THOC5: variants seen among roughly 807,000 people sequenced by gnomAD.
THOC5 encodes Fms-interacting protein.
A neutral mutation model predicts 92.9 loss-of-function variants in THOC5; 43 were observed. That is an observed-to-expected ratio of 0.46 (90% CI 0.36 to 0.60). The LOEUF is 0.60. THOC5 is among the 20% of genes least tolerant of loss of function. The pLI, the probability that THOC5 is intolerant of heterozygous loss-of-function variation, is 0.00. For synonymous variants in THOC5, 296 were observed against 320.1 expected (o/e 0.92, Z 0.80); for missense variants, 659 against 849.4 (o/e 0.78, Z 2.79).
intron 2 of THOC5, among the ~76,000 whole-genome samples, chr22:29,546,843 CTTTT>C (rs112906478): frequency 7.2e-6 from 1 of 138,222 alleles, no homozygotes; most frequent in South Asian, 2.3e-4. Context: ...CAAGTCACTT[CTTTT>C]TTTTTTTTTT....
chr22:29,534,294 G>T (rs781017947), intron 7 of THOC5, among the ~76,000 whole-genome samples: 1 of 152,170 alleles, frequency 6.6e-6, no homozygotes. Context: ...GGGACTGCGA[G>T]GGGGAATAAA....
intron 19 of THOC5, among the ~76,000 whole-genome samples, 175 bp from the exon 20 acceptor site, chr22:29,508,695 G>A (rs2063166180): frequency 6.6e-6 from 1 of 152,210 alleles, no homozygotes; most frequent in Admixed American, 6.5e-5. Context: ...TTGTAAAAAT[G>A]TCTTTTTGTG....
rs1327185009 is a variant in THOC5 at position 29,529,146 on chromosome 22, C to T, written c.925+16G>A. On this transcript the variant is annotated intron_variant, in intron 9 of 19. Transcript: ENST00000490103. ...ACCTGGTGTCCCTGGGGGACGAATCCCAACCACCACATTACCTTGGGAGTC... is the reference window on the plus strand; with the variant it reads ...ACCTGGTGTCCCTGGGGGACGAATCTCAACCACCACATTACCTTGGGAGTC... The T allele has an allele frequency of 6.2e-7, 1 of 1,614,108 alleles. No homozygotes were observed. The highest frequency in any genetic ancestry group is 8.5e-7 in the Non-Finnish European group (1 of 1,179,946).
At chr22:29,520,938 T>C in intron 13 of THOC5, 60 bp downstream of exon 13, 2 of 1,361,576 alleles carry the variant, frequency 1.5e-6, no homozygotes, top group Non-Finnish European at 2.1e-6. Flanking sequence ...AGCATTTAGC[T>C]TGAGCCACCA....
rs2063410439 is a variant in THOC5 at position 29,520,084 on chromosome 22, T to C, written c.1298A>G (p.Tyr433Cys). Residue 433 changes from tyrosine (Y) to cysteine (C), a missense_variant, in exon 14 of 20, where the codon TAT (tyrosine) becomes TGT (cysteine). Coordinates refer to ENST00000490103, the MANE Select transcript of THOC5 (RefSeq NM_003678.5). ...ATAGGGGTGACCTAGCTCAAGTACA[T>C]AGTCGCTCAAAGTCAGGATGCTGCA... ...DKVGILTLSD[Y>C]VLELGHPYLW... 6.2e-7 allele frequency: 1 copy of C among 1,613,790 alleles called. No homozygotes were observed. Among genetic ancestry groups the C allele is most frequent in the Non-Finnish European group, 8.5e-7 (1 of 1,179,840 alleles).
chr22:29,539,431 A>G lies in THOC5; in HGVS notation c.498T>C (p.Tyr166=), dbSNP rs1274244718. The G allele has an allele frequency of 3.7e-6, 6 of 1,614,132 alleles. No individual in the cohort carries two copies. The highest frequency in any genetic ancestry group is 5.1e-6 in the Non-Finnish European group (6 of 1,180,030). ...EIDLVSLEEF[Y]KEAPPDISKA... is the part of the protein sequence containing the mutation. ...TGCTGATATCTGGTGGAGCCTCCTT[A>G]TAAAACTCCTCTAAACTGACCAGAT... The change falls in exon 6 of 20, where the codon TAT becomes TAC. Residue 166 remains tyrosine, a synonymous_variant. Coordinates refer to ENST00000490103, the MANE Select transcript of THOC5 (RefSeq NM_003678.5).
rs567005048 is a variant in THOC5 at position 29,534,291 on chromosome 22, C to T, written c.715-2328G>A. Among the ~76,000 whole-genome samples the T allele has an allele frequency of 6.6e-5, 10 of 152,090 alleles. No individual in the cohort carries two copies. The South Asian group carries it at 1.5e-3, about 22-fold the overall frequency. Reference sequence around the variant, plus strand: ...GGGGTGTGAGGGAAGATAGGGACTGCGAGGGGGAATAAAGGAGCTTCCAGG... The same window carrying T: ...GGGGTGTGAGGGAAGATAGGGACTGTGAGGGGGAATAAAGGAGCTTCCAGG... On this transcript the variant is annotated intron_variant, in intron 7 of 19. Transcript: ENST00000490103.
intron 2 of THOC5, among the ~76,000 whole-genome samples, chr22:29,548,549 T>C (rs1187063341): frequency 6.6e-6 from 1 of 152,098 alleles, no homozygotes; most frequent in Non-Finnish European, 1.5e-5. Flanking sequence ...AGTGAGACCC[T>C]GTCTCAAAAA....
chr22:29,518,032 T>C (rs935381690), intron 15 of THOC5, among the ~76,000 whole-genome samples: 2 of 152,168 alleles, frequency 1.3e-5, no homozygotes, highest in African/African-American at 4.8e-5. Context: ...GACTCTTTTT[T>C]ATTTTTTACT....
intron 1 of THOC5, among the ~76,000 whole-genome samples, chr22:29,549,920 C>T (rs1313193534): frequency 6.6e-6 from 1 of 152,084 alleles, no homozygotes; most frequent in Non-Finnish European, 1.5e-5. Flanking sequence ...CCTGTCAGGT[C>T]TCCCCAAAGC....
rs755649674 is a variant in THOC5 at position 29,525,866 on chromosome 22, T to C, written c.1147A>G (p.Met383Val). The C allele has an allele frequency of 1.2e-6, 2 of 1,614,048 alleles. No individual in the cohort carries two copies. The highest frequency in any genetic ancestry group is 4.5e-5 in the East Asian group (2 of 44,870). Reference protein sequence around the residue: ...MTVKAKVTTAMELITPISAGD... With the variant: ...MTVKAKVTTAVELITPISAGD... ...GCACTGATGGGGGTGATCAGCTCCA[T>C]GGCAGTTGTCACTTTGGCTTTTACT... The change falls in exon 12 of 20, where the codon ATG (methionine) becomes GTG (valine). Residue 383 changes from methionine (M) to valine (V), a missense_variant. By Grantham distance (21) the Met-to-Val change is conservative. Coordinates refer to ENST00000490103, the MANE Select transcript of THOC5 (RefSeq NM_003678.5).
chr22:29,523,558 TC>T (rs1341314679), intron 12 of THOC5, among the ~76,000 whole-genome samples: 1 of 152,136 alleles, frequency 6.6e-6, no homozygotes, highest in Admixed American at 6.6e-5. Context: ...AGGGACGCAG[TC>T]CTCAAAATCC....
At chr22:29,525,610 C>G (rs1288321244) in intron 12 of THOC5, among the ~76,000 whole-genome samples, 1 of 152,198 alleles carries the variant, frequency 6.6e-6, no homozygotes, top group African/African-American at 2.4e-5. Flanking sequence ...ATGCTGTTGT[C>G]ACTTTTATCA....
rs1345382556 is a variant in THOC5, at chr22:29,536,746, G to A, written c.600-8C>T. ...CGGTACTTCTCTGCCAGCCTGTTGG[G>A]GGAGGAAAGAGCATTGTCACCTGAT... On this transcript the variant is annotated splice_region_variant and splice_polypyrimidine_tract_variant and intron_variant, in intron 6 of 19. Coordinates refer to ENST00000490103, the MANE Select transcript of THOC5 (RefSeq NM_003678.5). 2 of 1,533,324 alleles carry A rather than the reference G, an allele frequency of 1.3e-6. No homozygotes were observed. The highest frequency in any genetic ancestry group is 3.3e-5 in the Admixed American group (2 of 59,916). 95.0% of individuals were successfully genotyped at this position (1,533,324 alleles called of 1,614,324 possible). A position where few individuals can be genotyped will look rare whatever the true frequency, so the allele number is the denominator to read the frequency against.
chr22:29,520,642 C>T (rs2063422339), intron 13 of THOC5, among the ~76,000 whole-genome samples: 2 of 152,100 alleles, frequency 1.3e-5, no homozygotes, highest in Admixed American at 1.3e-4. Flanking sequence ...ACTACAAATG[C>T]CCACCACCAT....
At chr22:29,537,129 G>C (rs977432157) in intron 6 of THOC5, among the ~76,000 whole-genome samples, 2 of 152,230 alleles carry the variant, frequency 1.3e-5, no homozygotes, top group African/African-American at 4.8e-5. Flanking sequence ...TTGCTTGAGA[G>C]GTAAGACCTA....
At position 29,544,514 on chromosome 22, in the gene THOC5, T is replaced by A. The variant is rs375700978; in HGVS notation, c.186A>T (p.Leu62=). ...CTTGGATCTCAGCCATCAGCCTCTG[T>A]AGCTCCTGGCAGGTGTACTTGTATA... ...YELYKYTCQE[L]QRLMAEIQDL... The change falls in exon 3 of 20, where the codon CTA becomes CTT. Residue 62 remains leucine (L), a synonymous_variant. Transcript: ENST00000490103. The A allele has an allele frequency of 1.8e-4, 293 of 1,613,994 alleles. No individual in the cohort carries two copies. Among genetic ancestry groups the A allele is most frequent in the Non-Finnish European group, 2.4e-4 (283 of 1,180,026 alleles).
chr22:29,510,712 T>C (rs6006179), intron 19 of THOC5, among the ~76,000 whole-genome samples: 73,058 of 151,890 alleles, frequency 0.48, 17,722 homozygotes, highest in East Asian at 0.75. Flanking sequence ...TCCTATCTGT[T>C]TTACTTTGAA....
chr22:29,522,642 A>G (rs2063466651), intron 12 of THOC5, among the ~76,000 whole-genome samples: 1 of 152,162 alleles, frequency 6.6e-6, no homozygotes, highest in Non-Finnish European at 1.5e-5. Context: ...ATATAACACC[A>G]AAACAAAAAA....
Sources: allele counts gnomAD v4.1 joint callset (sites outside exome capture counted in the v4.1 genomes callset), GRCh38; gene constraint gnomAD v4.1.1; transcripts MANE v1.5; gene names NCBI Gene and HGNC (gene_info 2026-07-23, HGNC 2026-07-21).